The following BNIP3L variants were observed in gnomAD, a reference collection of about 807,000 sequenced individuals.
BNIP3L encodes BCL2 interacting protein 3 like.
In BNIP3L, 10 loss-of-function variants were observed where a neutral mutation model predicts 25.5. The ratio of observed to expected loss-of-function variants is 0.39; its 90% CI spans 0.24 to 0.67. BNIP3L has a LOEUF of 0.67. Ranked by LOEUF, BNIP3L falls within the 30% of genes least tolerant of loss-of-function variation. The probability of loss-of-function intolerance (pLI) is 0.45; values close to 1 mark genes in which losing one functional copy is unlikely to be tolerated. For synonymous variants in BNIP3L, 113 were observed against 101.2 expected (o/e 1.12, Z -0.70); for missense variants, 215 against 270.9 (o/e 0.79, Z 1.45).
At chr8:26,391,462 A>T (rs1341927253) in intron 2 of BNIP3L, 36 bp downstream of exon 2, 1 of 1,485,314 alleles carries the variant, frequency 6.7e-7, no homozygotes, top group Non-Finnish European at 9.0e-7. Flanking sequence ...AATTCAGGAA[A>T]CAGGTGGGTT....
intron 3 of BNIP3L, chr8:26,395,704 C>T (rs1787275000): frequency 5.1e-6 from 1 of 196,852 alleles, no homozygotes; most frequent in African/African-American, 2.4e-5. Context: ...GCATTTCCAT[C>T]TGAGGTACCG....
rs942614952 is a variant in BNIP3L, at chr8:26,383,059, C to T, written c.-72C>T. 1.1e-4 allele frequency: 149 copies of T among 1,415,732 alleles called. No individual in the cohort carries two copies. Among genetic ancestry groups the T allele is most frequent in the Non-Finnish European group, 1.4e-4 (141 of 1,032,828 alleles). 87.7% of individuals were successfully genotyped at this position (1,415,732 alleles called of 1,614,324 possible). A position where few individuals can be genotyped will look rare whatever the true frequency, so the allele number is the denominator to read the frequency against. The stretch of plus-strand genomic sequence containing the variant: ...GGCGCAGAAAAGGGGGCGGCGGACT[C>T]GGCTTGTTGTGTTGCTGCCTGAGTG... On this transcript the variant is annotated 5_prime_UTR_variant, in exon 1 of 6. Transcript: ENST00000380629.
intron 3 of BNIP3L, among the ~76,000 whole-genome samples, chr8:26,405,962 G>A (rs1806492113): frequency 6.6e-6 from 1 of 152,228 alleles, no homozygotes; most frequent in African/African-American, 2.4e-5. Context: ...AGAATTGCTA[G>A]AACCCAGGAG....
Position 26,409,413 on chromosome 8 carries a change from A to G in BNIP3L, c.612-951A>G, listed in dbSNP as rs940211602. On this transcript the variant is annotated intron_variant, in intron 5 of 5. Transcript: ENST00000380629. ...TTTTCTTCCCTTTAAGGAGCTCAGC[A>G]TATTGGAGAGAGATTCTTAGTCACG... is the stretch of plus-strand genomic sequence containing the variant. 2.6e-5 allele frequency among the ~76,000 whole-genome samples: 4 copies of G among 152,156 alleles called. No homozygotes were observed. In the South Asian group the frequency reaches 8.3e-4, roughly 32 times the overall value.
At chr8:26,410,002 TG>T (rs1156486816) in intron 5 of BNIP3L, among the ~76,000 whole-genome samples, 1 of 152,190 alleles carries the variant, frequency 6.6e-6, no homozygotes, top group East Asian at 1.9e-4. Context: ...TATATTTTTG[TG>T]TCTGAAATGT....
intron 1 of BNIP3L, among the ~76,000 whole-genome samples, chr8:26,387,061 G>C (rs73564660): frequency 0.13 from 19,411 of 152,048 alleles, 1,391 homozygotes; most frequent in African/African-American, 0.19. Flanking sequence ...TGAAAAGTTA[G>C]GGGGAAAGAT....
intron 1 of BNIP3L, among the ~76,000 whole-genome samples, chr8:26,385,904 C>T (rs1280537182): frequency 6.6e-6 from 1 of 152,190 alleles, no homozygotes; most frequent in Non-Finnish European, 1.5e-5. Flanking sequence ...TAGCTCATTA[C>T]ACAACACTGT....
In BNIP3L at chr8:26,383,239, G is replaced by C. The variant is rs781630994; in HGVS notation, c.100+9G>C. ...GCCGGCCGGCCTCAACAGTGAGTGC[G>C]GGGCCGAGGCTCTGTGAAGGGGATG... On this transcript the variant is annotated intron_variant, in intron 1 of 5. Transcript: ENST00000380629. 5 of 1,603,300 alleles carry C rather than the reference G, an allele frequency of 3.1e-6. No homozygotes were observed. In the African/African-American group the frequency reaches 4.0e-5, roughly 13 times the overall value.
intron 1 of BNIP3L, chr8:26,390,437 C>T: frequency 1.0e-6 from 1 of 985,328 alleles, no homozygotes; most frequent in Non-Finnish European, 1.2e-6. Flanking sequence ...GTTGTTTCTG[C>T]TCCCAAATCA....
At chr8:26,407,930 C>A in intron 3 of BNIP3L, 70 bp from the exon 4 acceptor site, 2 of 1,360,666 alleles carry the variant, frequency 1.5e-6, no homozygotes, top group South Asian at 1.2e-5. Flanking sequence ...TCTTTTCTGT[C>A]TAGATTTTTC....
At chr8:26,409,604 T>G (rs1806576145) in intron 5 of BNIP3L, among the ~76,000 whole-genome samples, 1 of 152,112 alleles carries the variant, frequency 6.6e-6, no homozygotes, top group African/African-American at 2.4e-5. Flanking sequence ...GTGGGGCAGG[T>G]GTAGGAGTTT....
intron 3 of BNIP3L, among the ~76,000 whole-genome samples, chr8:26,401,895 C>T (rs1026015438): frequency 1.3e-5 from 2 of 152,094 alleles, no homozygotes; most frequent in Non-Finnish European, 2.9e-5. Context: ...TCATAGCCAG[C>T]CTTTAACTTT....
chr8:26,393,127 C>T (rs748536440), intron 2 of BNIP3L, among the ~76,000 whole-genome samples: 2 of 151,878 alleles, frequency 1.3e-5, no homozygotes, highest in Non-Finnish European at 1.5e-5. Flanking sequence ...CCTACTAACA[C>T]GCTTTACCAT....
intron 2 of BNIP3L, among the ~76,000 whole-genome samples, chr8:26,392,020 G>A (rs181931703): frequency 6.6e-6 from 1 of 152,170 alleles, no homozygotes; most frequent in African/African-American, 2.4e-5. Context: ...CTTTCTCAGG[G>A]GATGTTTTGT....
At chr8:26,393,725 C>G (rs918210263) in intron 2 of BNIP3L, among the ~76,000 whole-genome samples, 1 of 152,060 alleles carries the variant, frequency 6.6e-6, no homozygotes, top group Non-Finnish European at 1.5e-5. Context: ...GCTGTGAACC[C>G]AACAGTTATG....
chr8:26,391,532 G>T (rs1806111705), intron 2 of BNIP3L, 106 bp downstream of exon 2: 5 of 932,290 alleles, frequency 5.4e-6, no homozygotes, highest in Non-Finnish European at 7.6e-6. Flanking sequence ...AGCAAAATAT[G>T]CCTCCTGATA....
rs1349784497 is a variant in BNIP3L, at chr8:26,412,399, C to T, written c.*1987C>T. ...GGGGGAAAAGTAAAATTACACTTTA[C>T]CTGAAAGTGACTTCTTACAGCTAGT... On this transcript the variant is annotated 3_prime_UTR_variant, in exon 6 of 6. Coordinates refer to ENST00000380629, the MANE Select transcript of BNIP3L (RefSeq NM_004331.3). The T allele has an allele frequency of 6.6e-6, 1 of 152,148 alleles. No individual in the cohort carries two copies. Among genetic ancestry groups the T allele is most frequent in the South Asian group, 2.1e-4 (1 of 4,830 alleles). 9.4% of individuals were successfully genotyped at this position (152,148 alleles called of 1,614,324 possible). A position where few individuals can be genotyped will look rare whatever the true frequency, so the allele number is the denominator to read the frequency against.
At chr8:26,394,850 T>G (rs1806197851) in intron 2 of BNIP3L, among the ~76,000 whole-genome samples, 1 of 152,220 alleles carries the variant, frequency 6.6e-6, no homozygotes, top group South Asian at 2.1e-4. Context: ...GGTGAATTAT[T>G]TAATGATGAG....
chr8:26,398,670 T>C (rs1320714037), intron 3 of BNIP3L, among the ~76,000 whole-genome samples: 1 of 138,754 alleles, frequency 7.2e-6, no homozygotes, highest in Non-Finnish European at 1.6e-5. Flanking sequence ...CTTCAAAAAA[T>C]CAATGAATCC....
Sources: allele counts gnomAD v4.1 joint callset (sites outside exome capture counted in the v4.1 genomes callset), GRCh38; gene constraint gnomAD v4.1.1; transcripts MANE v1.5; gene names NCBI Gene and HGNC (gene_info 2026-07-23, HGNC 2026-07-21).